KSR2: variants seen among roughly 807,000 people sequenced by gnomAD.
KSR2 encodes the protein kinase suppressor of ras 2.
KSR2 carries 25 observed loss-of-function variants against 107.8 expected under a neutral mutation model. That is an observed-to-expected ratio of 0.23 (90% CI 0.17 to 0.32). The LOEUF (loss-of-function observed/expected upper bound fraction) is 0.32. KSR2 is among the 10% of genes least tolerant of loss of function. KSR2 has a pLI of 1.00. For synonymous variants in KSR2, 480 were observed against 507.0 expected (o/e 0.95, Z 0.71); for missense variants, 887 against 1,268.9 (o/e 0.70, Z 4.57).
At chr12:117,833,510 A>G (rs1293159513) in intron 3 of KSR2, among the ~76,000 whole-genome samples, 2 of 152,112 alleles carry the variant, frequency 1.3e-5, no homozygotes, top group Admixed American at 1.3e-4. Context: ...CTACAGGCAC[A>G]CACGACCAAG....
intron 1 of KSR2, among the ~76,000 whole-genome samples, chr12:117,869,028 T>C (rs545072867): frequency 6.6e-6 from 1 of 151,662 alleles, no homozygotes; most frequent in South Asian, 2.1e-4. Flanking sequence ...GCTGGCATTA[T>C]AAGAGTGGGC....
At chr12:117,893,497 C>T (rs1318984673) in intron 1 of KSR2, among the ~76,000 whole-genome samples, 2 of 152,174 alleles carry the variant, frequency 1.3e-5, no homozygotes, top group East Asian at 3.9e-4. Flanking sequence ...GTGCCAAGCA[C>T]GTAAGCTCTC....
chr12:117,885,957 G>A (rs1437563517), intron 1 of KSR2, among the ~76,000 whole-genome samples: 3 of 152,052 alleles, frequency 2.0e-5, no homozygotes, highest in South Asian at 2.1e-4. Context: ...ATTAGCCAAC[G>A]GGGTGGCGGA....
intron 4 of KSR2, among the ~76,000 whole-genome samples, chr12:117,702,176 T>G (rs983430503): frequency 6.6e-6 from 1 of 152,176 alleles, no homozygotes; most frequent in Non-Finnish European, 1.5e-5. Flanking sequence ...AGCAGTTCTA[T>G]CCTCCTTCCC....
At chr12:117,570,569 G>A (rs903307867) in intron 7 of KSR2, among the ~76,000 whole-genome samples, 6 of 152,184 alleles carry the variant, frequency 3.9e-5, no homozygotes, top group Non-Finnish European at 7.4e-5. Flanking sequence ...AAATTTTCCA[G>A]AACTTCGATG....
At chr12:117,731,831 AG>A in intron 4 of KSR2, among the ~76,000 whole-genome samples, 1 of 148,688 alleles carries the variant, frequency 6.7e-6, no homozygotes, top group Admixed American at 6.9e-5. Flanking sequence ...AGATGCTTGA[AG>A]GCAGCATGCT....
intron 5 of KSR2, among the ~76,000 whole-genome samples, chr12:117,660,410 G>C (rs1884383314): frequency 6.6e-6 from 1 of 152,106 alleles, no homozygotes; most frequent in Non-Finnish European, 1.5e-5. Context: ...GGTGGCTCTG[G>C]CAATCCTTGG....
chr12:117,848,185 GA>G (rs968504714), intron 3 of KSR2, among the ~76,000 whole-genome samples: 10 of 152,322 alleles, frequency 6.6e-5, no homozygotes, highest in African/African-American at 2.4e-4. Flanking sequence ...AAGAAGAGGA[GA>G]GAGAGAAAAA....
intron 4 of KSR2, among the ~76,000 whole-genome samples, chr12:117,693,316 G>T (rs1885909730): frequency 6.6e-6 from 1 of 152,188 alleles, no homozygotes; most frequent in Non-Finnish European, 1.5e-5. Flanking sequence ...ATTAATAGAA[G>T]ATGCTTTAGA....
At chr12:117,917,109 T>A (rs1221886388) in intron 1 of KSR2, among the ~76,000 whole-genome samples, 1 of 152,196 alleles carries the variant, frequency 6.6e-6, no homozygotes, top group Non-Finnish European at 1.5e-5. Context: ...CCCAAAGTCG[T>A]GACAATGAAA....
intron 7 of KSR2, among the ~76,000 whole-genome samples, chr12:117,571,588 T>G (rs1444428272): frequency 6.6e-6 from 1 of 152,030 alleles, no homozygotes; most frequent in African/African-American, 2.4e-5. Context: ...GGAAATCTGA[T>G]CAGAACACAA....
At chr12:117,510,802 T>C (rs1068928) in intron 14 of KSR2, among the ~76,000 whole-genome samples, 126,110 of 150,886 alleles carry the variant, frequency 0.84, 53,237 homozygotes, top group East Asian at 0.99. Context: ...TGTTTGAACC[T>C]GGCAGGTGGA....
chr12:117,594,632 G>T (rs1043383270), intron 5 of KSR2, among the ~76,000 whole-genome samples: 40 of 152,156 alleles, frequency 2.6e-4, no homozygotes, highest in African/African-American at 9.4e-4. Context: ...GTTTATCAGT[G>T]AGAGGTGTTA....
At chr12:117,923,276 G>A (rs982108166) in intron 1 of KSR2, among the ~76,000 whole-genome samples, 10 of 152,102 alleles carry the variant, frequency 6.6e-5, no homozygotes, top group Admixed American at 2.0e-4. Context: ...ACAGAAACAC[G>A]TATAAAATGA....
At chr12:117,541,164 G>C (rs188475312) in intron 9 of KSR2, among the ~76,000 whole-genome samples, 3 of 147,568 alleles carry the variant, frequency 2.0e-5, no homozygotes, top group Admixed American at 6.7e-5. Flanking sequence ...AGGCAGGTAG[G>C]GAGGAACAGT....
At chr12:117,951,840 A>G (rs1057114876) in intron 1 of KSR2, among the ~76,000 whole-genome samples, 1 of 152,186 alleles carries the variant, frequency 6.6e-6, no homozygotes, top group African/African-American at 2.4e-5. Context: ...AAGGAGGACA[A>G]TTCTAACCAT....
At chr12:117,873,814 C>T (rs138714377) in intron 1 of KSR2, among the ~76,000 whole-genome samples, 142 of 152,264 alleles carry the variant, frequency 9.3e-4, no homozygotes, top group African/African-American at 3.0e-3. Context: ...CTACACACCA[C>T]CCCTGCCTTT....
At chr12:117,791,558 T>C (rs1890250922) in intron 3 of KSR2, among the ~76,000 whole-genome samples, 1 of 152,168 alleles carries the variant, frequency 6.6e-6, no homozygotes. Flanking sequence ...AATAGCTCAG[T>C]GTGATTGGAA....
At chr12:117,519,783 C>CGTGTGT (rs144376357) in intron 14 of KSR2, among the ~76,000 whole-genome samples, 1 of 150,654 alleles carries the variant, frequency 6.6e-6, no homozygotes, top group Non-Finnish European at 1.5e-5. Flanking sequence ...TGTGTGTGTG[C>CGTGTGT]GTGTGTGTGT....
Sources: gnomAD v4.1 joint callset for allele counts (sites outside exome capture counted in the v4.1 genomes callset) on GRCh38, gnomAD v4.1.1 for gene constraint, MANE v1.5 for transcripts, NCBI Gene and HGNC (gene_info 2026-07-23, HGNC 2026-07-21) for gene names.